Variants in TBCD observed in about 807,000 individuals in gnomAD.
TBCD encodes the protein tubulin folding cofactor D.
Under a neutral mutation model 169.3 loss-of-function variants are expected in TBCD, and 105 were observed. That is an observed-to-expected ratio of 0.62 (90% CI 0.53 to 0.73). TBCD has a LOEUF of 0.73. Among genes scored for constraint, TBCD ranks in the 30% least tolerant of loss-of-function variants. The pLI is 0.00. For missense variants in TBCD, 1,444 were observed against 1,600.1 expected (o/e 0.90, Z 1.66); for synonymous variants, 700 against 643.9 (o/e 1.09, Z -1.32).
At chr17:82,837,117 C>T (rs1038920029) in intron 13 of TBCD, among the ~76,000 whole-genome samples, 1 of 152,212 alleles carries the variant, frequency 6.6e-6, no homozygotes, top group African/African-American at 2.4e-5. Context: ...ATCTGTAAAA[C>T]TACAATAGTG....
Position 82,938,138 on chromosome 17 carries a change from T to C in TBCD, c.3369+2T>C. Reference sequence around the variant, plus strand: ...CTCCTCTGCCACCGTTTCCCGCTGGTGAGTGCCTGCCCCTGCTCACGTGTG... The same window carrying C: ...CTCCTCTGCCACCGTTTCCCGCTGGCGAGTGCCTGCCCCTGCTCACGTGTG... On this transcript the variant is annotated splice_donor_variant, in intron 36 of 38. Transcript: ENST00000355528. LOFTEE classifies it high-confidence loss of function. 2 of 1,611,518 alleles carry C rather than the reference T, an allele frequency of 1.2e-6. No individual in the cohort carries two copies. The highest frequency in any genetic ancestry group is 1.7e-6 in the Non-Finnish European group (2 of 1,179,692).
At chr17:82,808,490 A>G (rs1275266855) in intron 11 of TBCD, among the ~76,000 whole-genome samples, 1,529 of 33,202 alleles carry the variant, frequency 0.046, no homozygotes, top group Middle Eastern at 0.059. Context: ...GGAGGGGCTG[A>G]CAGGTGCTGG....
At chr17:82,765,583 G>T (rs899212276) in intron 3 of TBCD, among the ~76,000 whole-genome samples, 3 of 152,190 alleles carry the variant, frequency 2.0e-5, no homozygotes, top group Non-Finnish European at 1.5e-5. Flanking sequence ...CCAGCGAGAG[G>T]ACACTGCGGG....
chr17:82,928,568 T>C (rs2061949428), intron 30 of TBCD, among the ~76,000 whole-genome samples: 1 of 151,314 alleles, frequency 6.6e-6, no homozygotes, highest in Non-Finnish European at 1.5e-5. Context: ...GTCCAGGCCC[T>C]GCCCTTGCGG....
Position 82,789,606 on chromosome 17 carries a change from C to A in TBCD, c.771+7885C>A, listed in dbSNP as rs778013206. On this transcript the variant is annotated intron_variant, in intron 7 of 38. Transcript: ENST00000355528. This position sits in a 1 kb window ranked among gnomAD's most constrained non-coding sequence, Gnocchi z 4.8. ...GGTGCCCCTGCCCTCTCCCCTGCCC[C>A]GCCCTCACCTGGCTCACAGACCCGT... 6.6e-6 allele frequency among the ~76,000 whole-genome samples: 1 copy of A among 152,192 alleles called. No homozygotes were observed. Among genetic ancestry groups the A allele is most frequent in the Admixed American group, 6.5e-5 (1 of 15,284 alleles).
chr17:82,772,606 A>G, intron 6 of TBCD, 99 bp downstream of exon 6: 1 of 1,298,664 alleles, frequency 7.7e-7, no homozygotes, highest in Non-Finnish European at 1.1e-6. Flanking sequence ...CCTCAGACGA[A>G]GGACCCCGGG....
In TBCD at chr17:82,920,274, C is replaced by T. The variant is rs1009110691; in HGVS notation, c.2039-282C>T. Among the ~76,000 whole-genome samples, 24 of 152,242 alleles carry T rather than the reference C, an allele frequency of 1.6e-4. No individual in the cohort carries two copies. Among genetic ancestry groups the T allele is most frequent in the Admixed American group, 1.4e-3 (21 of 15,290 alleles). On this transcript the variant is annotated intron_variant, in intron 23 of 38. Transcript: ENST00000355528. This position sits in a 1 kb window ranked among gnomAD's most constrained non-coding sequence, Gnocchi z 4.1. ...TCTGCAGCTCCCTGACAGGCCGGCC[C>T]GGCTTCTCTGAAGTGCACGTGGGCT...
chr17:82,828,748 G>A (rs1712090791), intron 13 of TBCD, among the ~76,000 whole-genome samples: 1 of 129,822 alleles, frequency 7.7e-6, no homozygotes, highest in East Asian at 2.4e-4. Context: ...CACACCCAGA[G>A]ATGCACACAC....
At chr17:82,869,790 C>A (rs902044366) in intron 13 of TBCD, among the ~76,000 whole-genome samples, 14 of 152,310 alleles carry the variant, frequency 9.2e-5, no homozygotes, top group Non-Finnish European at 1.5e-4. Flanking sequence ...CACGACAGTA[C>A]AATTCCAGGC....
intron 13 of TBCD, among the ~76,000 whole-genome samples, chr17:82,868,307 G>T (rs1054415698): frequency 1.3e-5 from 2 of 152,142 alleles, no homozygotes; most frequent in African/African-American, 4.8e-5. Flanking sequence ...AGGAAAGGTG[G>T]CTTGGAGAGG....
rs541288684 is a variant in TBCD at position 82,787,205 on chromosome 17, G to A, written c.771+5484G>A. On this transcript the variant is annotated intron_variant, in intron 7 of 38. Transcript: ENST00000355528. Reference sequence around the variant, plus strand: ...AAAGAGTGAGGCGTGCTGTCCTGCCGTTTAGGGCAGAGCACCCAGGCGGTT... The same window carrying A: ...AAAGAGTGAGGCGTGCTGTCCTGCCATTTAGGGCAGAGCACCCAGGCGGTT... Among the ~76,000 whole-genome samples the A allele has an allele frequency of 5.6e-4, 86 of 152,298 alleles. 1 individual carries two copies. Among genetic ancestry groups the A allele is most frequent in the Non-Finnish European group, 7.1e-4 (48 of 68,036 alleles).
intron 8 of TBCD, 63 bp from the exon 9 acceptor site, chr17:82,800,801 C>G (rs2050456400): frequency 6.4e-7 from 1 of 1,551,640 alleles, no homozygotes; most frequent in Admixed American, 1.9e-5. Context: ...TTCGGGGACA[C>G]AGGTGGTGCA....
chr17:82,887,578 A>G (rs1027360388), intron 15 of TBCD, among the ~76,000 whole-genome samples: 6 of 152,120 alleles, frequency 3.9e-5, no homozygotes, highest in African/African-American at 1.4e-4. Flanking sequence ...TGCTGTAAAC[A>G]TTCGTGCTCA....
At chr17:82,888,888 GC>G (rs2058939400) in intron 15 of TBCD, among the ~76,000 whole-genome samples, 1 of 152,212 alleles carries the variant, frequency 6.6e-6, no homozygotes, top group Non-Finnish European at 1.5e-5. Flanking sequence ...CCCTGGCCTC[GC>G]CCCTTGCTGG....
At chr17:82,938,521 C>T (rs2062825036) in intron 36 of TBCD, among the ~76,000 whole-genome samples, 1 of 152,222 alleles carries the variant, frequency 6.6e-6, no homozygotes, top group South Asian at 2.1e-4. Context: ...CAAAAAAAAC[C>T]TCAGATGATA....
intron 14 of TBCD, among the ~76,000 whole-genome samples, chr17:82,882,448 A>G (rs1178825002): frequency 6.6e-6 from 1 of 152,134 alleles, no homozygotes; most frequent in Non-Finnish European, 1.5e-5. Flanking sequence ...GCTCTCTCTG[A>G]TAAATGCCCC....
Position 82,925,005 on chromosome 17 carries a change from C to T in TBCD, c.2327C>T (p.Ser776Leu), listed in dbSNP as rs186699341. The T allele has an allele frequency of 2.8e-4, 445 of 1,573,798 alleles. No individual in the cohort carries two copies. Among genetic ancestry groups the T allele is most frequent in the South Asian group, 2.3e-3 (193 of 85,716 alleles). ...NPEEMTRCGF[S>L]LALGALPGFL... ...GAGGAGATGACTCGCTGTGGCTTCT[C>T]GTTGGCCTTGGGCGCCCTTCCAGGC... Residue 776 changes from serine to leucine, a missense_variant, in exon 27 of 39, where the codon TCG becomes TTG. Physicochemically the swap from Ser to Leu is moderately radical, Grantham distance 145. Transcript: ENST00000355528.
In TBCD at chr17:82,801,201, C is replaced by T. The variant is rs988208404; in HGVS notation, c.950+205C>T. On this transcript the variant is annotated intron_variant, in intron 9 of 38. Coordinates refer to ENST00000355528, the MANE Select transcript of TBCD (RefSeq NM_005993.5). ...GGTTCTGGACACAGTTGGGGGCACT[C>T]TCTGGAGGGCAGGCCGAGCCGTAGG... Among the ~76,000 whole-genome samples the T allele has an allele frequency of 3.3e-5, 5 of 152,090 alleles. No individual in the cohort carries two copies. In the East Asian group the frequency reaches 9.6e-4, roughly 29 times the overall value.
intron 14 of TBCD, among the ~76,000 whole-genome samples, chr17:82,882,716 G>T (rs1599184312): frequency 6.6e-6 from 1 of 152,206 alleles, no homozygotes; most frequent in East Asian, 1.9e-4. Flanking sequence ...TGGGGCAACA[G>T]ACAGCGTGAG....
Sources: allele counts gnomAD v4.1 joint callset (sites outside exome capture counted in the v4.1 genomes callset), GRCh38; gene constraint gnomAD v4.1.1; non-coding constraint Gnocchi (gnomAD v3.1); transcripts MANE v1.5; gene names NCBI Gene and HGNC (gene_info 2026-07-23, HGNC 2026-07-21).